Variants in MCC observed in about 807,000 individuals in gnomAD.
MCC encodes MCC regulator of Wnt signaling pathway.
In MCC, 90 loss-of-function variants were observed where a neutral mutation model predicts 116.2. That is an observed-to-expected ratio of 0.77 (90% CI 0.65 to 0.92). The LOEUF (loss-of-function observed/expected upper bound fraction) is 0.92, where lower values mean the gene tolerates loss of function less well. Among genes scored for constraint, MCC ranks in the 40% least tolerant of loss-of-function variants. MCC has a pLI of 0.00. For synonymous variants in MCC, 578 were observed against 510.5 expected, an observed-to-expected ratio of 1.13 and a Z score of -1.78; for missense variants, 1,516 against 1,312.2, an observed-to-expected ratio of 1.16 and a Z score of -2.40.
At chr5:113,461,949 T>C (rs1771756654) in intron 1 of MCC, among the ~76,000 whole-genome samples, 1 of 152,104 alleles carries the variant, frequency 6.6e-6, no homozygotes, top group Non-Finnish European at 1.5e-5. Flanking sequence ...CACACTAGGT[T>C]AAAAATTATT....
chr5:113,247,668 G>A (rs913040648), intron 3 of MCC, among the ~76,000 whole-genome samples: 2 of 152,164 alleles, frequency 1.3e-5, no homozygotes, highest in Non-Finnish European at 2.9e-5. Context: ...ATGAGGTGAT[G>A]GGGACCGGTC....
intron 3 of MCC, among the ~76,000 whole-genome samples, chr5:113,231,687 A>G (rs1048010798): frequency 6.6e-6 from 1 of 152,202 alleles, no homozygotes; most frequent in African/African-American, 2.4e-5. Context: ...TGAAAGTTAC[A>G]AGTCATGTCT....
At chr5:113,444,743 C>T (rs1194919210) in intron 1 of MCC, among the ~76,000 whole-genome samples, 4 of 152,104 alleles carry the variant, frequency 2.6e-5, no homozygotes, top group African/African-American at 7.2e-5. Context: ...TATTACAGCT[C>T]TTTTAGTTTA....
In MCC at chr5:113,222,040, T is replaced by G. The variant is rs1374842944; in HGVS notation, c.628-70618A>C. Among the ~76,000 whole-genome samples, 13 of 152,356 alleles carry G rather than the reference T, an allele frequency of 8.5e-5. No homozygotes were observed. In the East Asian group the frequency reaches 2.3e-3, roughly 27 times the overall value. ...GTTATGTATATTAAGATGCTGGCTGTAGGTTTTTTCATAGCTTTCTGGTGT... is the reference window on the plus strand; with the variant it reads ...GTTATGTATATTAAGATGCTGGCTGGAGGTTTTTTCATAGCTTTCTGGTGT... On this transcript the variant is annotated intron_variant, in intron 3 of 18. Coordinates refer to ENST00000408903, the MANE Select transcript of MCC (RefSeq NM_001085377.2).
At chr5:113,449,860 A>G (rs551963669) in intron 1 of MCC, among the ~76,000 whole-genome samples, 1 of 152,330 alleles carries the variant, frequency 6.6e-6, no homozygotes, top group South Asian at 2.1e-4. Context: ...AAAGATGTGT[A>G]TTGCCAGATC....
intron 3 of MCC, among the ~76,000 whole-genome samples, chr5:113,155,453 A>G (rs901682477): frequency 6.6e-6 from 1 of 151,932 alleles, no homozygotes; most frequent in African/African-American, 2.4e-5. Flanking sequence ...TTTTTTAGGA[A>G]CCTCCACACT....
At chr5:113,365,111 C>T (rs140668885) in intron 2 of MCC, among the ~76,000 whole-genome samples, 1 of 152,316 alleles carries the variant, frequency 6.6e-6, no homozygotes, top group East Asian at 1.9e-4. Context: ...TTCTTTTCTA[C>T]CACATGGCCA....
chr5:113,132,443 T>TAC lies in MCC; in HGVS notation c.885-9619_885-9618dup, dbSNP rs140363649. ...ACACACATACATATATATATATATATACACACACACACACACACACACACA... is the reference window on the plus strand; with the variant it reads ...ACACACATACATATATATATATATATACACACACACACACACACACACACACA... On this transcript the variant is annotated intron_variant, in intron 5 of 18. Transcript: ENST00000408903. Among the ~76,000 whole-genome samples, 92 of 36,608 alleles carry TAC rather than the reference T, an allele frequency of 2.5e-3. 1 individual carries two copies. The highest frequency in any genetic ancestry group is 3.0e-3 in the African/African-American group (64 of 21,100). 24.0% of individuals were successfully genotyped at this position (36,608 alleles called of 152,430 possible). A position where few individuals can be genotyped will look rare whatever the true frequency, so the allele number is the denominator to read the frequency against.
At position 113,049,155 on chromosome 5, in the gene MCC, TCTG is replaced by T. The variant is rs1350053361; in HGVS notation, c.2590_2592del (p.Gln864del). 8.1e-6 allele frequency: 13 copies of T among 1,614,092 alleles called. No homozygotes were observed. The highest frequency in any genetic ancestry group is 1.1e-5 in the Non-Finnish European group (13 of 1,180,040). ...CTGAGGGATCGCATCCGCTGCTCCT[TCTG>T]CTCCTCCACCTCGGACTTCAGGTGC... On this transcript the variant is annotated inframe_deletion, in exon 16 of 19. Transcript: ENST00000408903.
At chr5:113,445,456 C>A (rs751389621) in intron 1 of MCC, among the ~76,000 whole-genome samples, 2 of 152,042 alleles carry the variant, frequency 1.3e-5, no homozygotes, top group Non-Finnish European at 2.9e-5. Context: ...ACAGTAATAA[C>A]GTTCAAGCTA....
intron 1 of MCC, chr5:113,433,436 C>T (rs1302433668): frequency 2.2e-5 from 13 of 597,640 alleles, no homozygotes; most frequent in Non-Finnish European, 3.4e-5. Context: ...GTCACTGAGC[C>T]GTTGCGGCCA....
intron 1 of MCC, among the ~76,000 whole-genome samples, chr5:113,393,175 G>T (rs1351060054): frequency 6.6e-6 from 1 of 152,120 alleles, no homozygotes; most frequent in Non-Finnish European, 1.5e-5. Context: ...CACAAAGGGG[G>T]CTTGACATGC....
intron 3 of MCC, among the ~76,000 whole-genome samples, chr5:113,317,158 G>A (rs981201698): frequency 2.0e-5 from 3 of 152,190 alleles, no homozygotes; most frequent in Non-Finnish European, 4.4e-5. Context: ...CAGATTAAGT[G>A]AAGGAACTTG....
At chr5:113,274,609 C>T (rs1441659368) in intron 3 of MCC, among the ~76,000 whole-genome samples, 2 of 152,160 alleles carry the variant, frequency 1.3e-5, no homozygotes, top group Non-Finnish European at 2.9e-5. Flanking sequence ...GGTCCGACCG[C>T]CTTAGTCTCC....
In MCC at chr5:113,434,108, C is replaced by G; in HGVS notation, c.171-48896G>C. 6.2e-7 allele frequency: 1 copy of G among 1,614,212 alleles called. No individual in the cohort carries two copies. Among genetic ancestry groups the G allele is most frequent in the South Asian group, 1.1e-5 (1 of 91,086 alleles). Reference sequence around the variant, plus strand: ...GCATGTGGTAGATGAGGTCCTTGCACTCGCCTGTCAGGTGCTTGGAGCGTG... The same window carrying G: ...GCATGTGGTAGATGAGGTCCTTGCAGTCGCCTGTCAGGTGCTTGGAGCGTG... On this transcript the variant is annotated intron_variant, in intron 1 of 18. Coordinates refer to ENST00000408903, the MANE Select transcript of MCC (RefSeq NM_001085377.2). This position sits in a 1 kb window ranked among gnomAD's most constrained non-coding sequence, Gnocchi z 4.2.
At chr5:113,470,359 T>C (rs1046388352) in intron 1 of MCC, among the ~76,000 whole-genome samples, 30 of 151,752 alleles carry the variant, frequency 2.0e-4, no homozygotes, top group African/African-American at 7.0e-4. Flanking sequence ...CTTCAGGAGC[T>C]CTTTTAGGGC....
intron 3 of MCC, among the ~76,000 whole-genome samples, chr5:113,278,230 C>T (rs1765900899): frequency 6.6e-6 from 1 of 152,212 alleles, no homozygotes; most frequent in African/African-American, 2.4e-5. Flanking sequence ...GATCCTTAAC[C>T]TGTCTGAGCT....
At chr5:113,273,300 G>A (rs1048314692) in intron 3 of MCC, among the ~76,000 whole-genome samples, 1 of 152,204 alleles carries the variant, frequency 6.6e-6, no homozygotes, top group Non-Finnish European at 1.5e-5. Context: ...AAGGGGGTCA[G>A]AGGTTTCCCA....
At chr5:113,115,298 G>C (rs1247118318) in intron 6 of MCC, among the ~76,000 whole-genome samples, 1 of 152,136 alleles carries the variant, frequency 6.6e-6, no homozygotes, top group East Asian at 1.9e-4. Flanking sequence ...TCAAAGTCAG[G>C]GTGGGTGACC....
Sources: gnomAD v4.1 joint callset for allele counts (sites outside exome capture counted in the v4.1 genomes callset) on GRCh38, gnomAD v4.1.1 for gene constraint, Gnocchi (gnomAD v3.1) non-coding constraint, MANE v1.5 for transcripts, NCBI Gene and HGNC (gene_info 2026-07-23, HGNC 2026-07-21) for gene names.